Variants in SHB observed in about 807,000 individuals in gnomAD.
SHB encodes the protein SH2 domain-containing adapter protein B.
SHB carries 20 observed loss-of-function variants against 52.3 expected under a neutral mutation model. The ratio of observed to expected loss-of-function variants is 0.38; its 90% CI spans 0.27 to 0.56. SHB has a LOEUF of 0.56. Among genes scored for constraint, SHB ranks in the 20% least tolerant of loss-of-function variants. The pLI is 0.71. For missense variants in SHB, 825 were observed against 723.3 expected, an observed-to-expected ratio of 1.14 and a Z score of -1.61; for synonymous variants, 397 against 316.5, an observed-to-expected ratio of 1.25 and a Z score of -2.70.
At position 38,067,973 on chromosome 9, in the gene SHB, C is replaced by A. The variant is rs373006818; in HGVS notation, c.673G>T (p.Ala225Ser). The A allele has an allele frequency of 5.8e-6, 9 of 1,552,382 alleles. No individual in the cohort carries two copies. The highest frequency in any genetic ancestry group is 4.2e-5 in the African/African-American group (3 of 71,652). Residue 225 changes from alanine (A) to serine (S), a missense_variant, in exon 1 of 6, where the codon GCC (alanine) becomes TCC (serine). By Grantham distance (99) the Ala-to-Ser change is moderately conservative (BLOSUM62 1). Transcript: ENST00000377707. ...CCGCTCTCCTCCGCGGCTGAGGCGGCGCACTTGTTGAGCAGTTTCTTGCCT... is the reference window on the plus strand; with the variant it reads ...CCGCTCTCCTCCGCGGCTGAGGCGGAGCACTTGTTGAGCAGTTTCTTGCCT... ...CGGKKLLNKC[A>S]ASAAEESGAG...
chr9:38,041,437 G>A (rs936948711), intron 1 of SHB, among the ~76,000 whole-genome samples: 5 of 152,218 alleles, frequency 3.3e-5, no homozygotes, highest in South Asian at 2.1e-4. Context: ...GGGAGACTGC[G>A]TTGGGACAGA....
intron 3 of SHB, among the ~76,000 whole-genome samples, chr9:37,969,978 C>T (rs1174628154): frequency 6.6e-6 from 1 of 152,190 alleles, no homozygotes; most frequent in Non-Finnish European, 1.5e-5. Context: ...TGGGGTGATT[C>T]AAAGTGGGCC....
chr9:37,918,275 A>T lies in SHB; in HGVS notation c.*1546T>A, dbSNP rs1451178224. On this transcript the variant is annotated 3_prime_UTR_variant, in exon 6 of 6. Coordinates refer to ENST00000377707, the MANE Select transcript of SHB (RefSeq NM_003028.3). ...TTCATGCTACTGGGTGGGTGGAAAA[A>T]GCAGGAGAGCTGAGAAACTCTTAGC... Among the ~76,000 whole-genome samples, 2 of 152,204 alleles carry T rather than the reference A, an allele frequency of 1.3e-5. No individual in the cohort carries two copies. Among genetic ancestry groups the T allele is most frequent in the East Asian group, 3.9e-4 (2 of 5,190 alleles).
At chr9:38,008,019 G>A (rs914603605) in intron 2 of SHB, among the ~76,000 whole-genome samples, 1 of 152,138 alleles carries the variant, frequency 6.6e-6, no homozygotes, top group Non-Finnish European at 1.5e-5. Flanking sequence ...TCTCTCCAGT[G>A]TAATTTTTCT....
At chr9:38,020,903 G>C (rs553022739) in intron 1 of SHB, among the ~76,000 whole-genome samples, 1 of 152,322 alleles carries the variant, frequency 6.6e-6, no homozygotes, top group East Asian at 1.9e-4. Flanking sequence ...CAGCTTTCAG[G>C]CCAAGGCCAA....
chr9:38,052,645 C>T (rs1210026833), intron 1 of SHB, among the ~76,000 whole-genome samples: 2 of 152,244 alleles, frequency 1.3e-5, no homozygotes, highest in Non-Finnish European at 1.5e-5. Flanking sequence ...TTAGAGCCTC[C>T]CCACCCCCAC....
At chr9:38,026,168 C>T (rs1459427972) in intron 1 of SHB, among the ~76,000 whole-genome samples, 2 of 152,244 alleles carry the variant, frequency 1.3e-5, no homozygotes, top group Admixed American at 6.5e-5. Context: ...AGCAAAACAG[C>T]AGCGCCTGTG....
At chr9:37,927,388 G>A (rs1397827410) in intron 5 of SHB, among the ~76,000 whole-genome samples, 2 of 152,228 alleles carry the variant, frequency 1.3e-5, no homozygotes, top group African/African-American at 4.8e-5. Context: ...GCAAAATGAC[G>A]TGATTTACAA....
At chr9:38,032,178 A>C (rs1317344965) in intron 1 of SHB, among the ~76,000 whole-genome samples, 1 of 152,134 alleles carries the variant, frequency 6.6e-6, no homozygotes, top group Non-Finnish European at 1.5e-5. Flanking sequence ...CCTAGAGAGC[A>C]CCTTCTCTAC....
At position 37,917,949 on chromosome 9, in the gene SHB, C is replaced by T. The variant is rs539029227; in HGVS notation, c.*1872G>A. Among the ~76,000 whole-genome samples, 3 of 152,346 alleles carry T rather than the reference C, an allele frequency of 2.0e-5. No individual in the cohort carries two copies. Among genetic ancestry groups the T allele is most frequent in the South Asian group, 2.1e-4 (1 of 4,830 alleles). ...GCTTTGCACAAACCGCTGAAGTCCA[C>T]GCAGCTACCTAAAGGGGCAGGGCTC... On this transcript the variant is annotated 3_prime_UTR_variant, in exon 6 of 6. Coordinates refer to ENST00000377707, the MANE Select transcript of SHB (RefSeq NM_003028.3).
intron 3 of SHB, among the ~76,000 whole-genome samples, chr9:37,972,030 C>A (rs1475322446): frequency 6.6e-6 from 1 of 152,158 alleles, no homozygotes; most frequent in Non-Finnish European, 1.5e-5. Flanking sequence ...GAGGCCAATG[C>A]TGCTGGTTCA....
At chr9:37,953,282 C>T (rs1832588000) in intron 4 of SHB, among the ~76,000 whole-genome samples, 1 of 152,142 alleles carries the variant, frequency 6.6e-6, no homozygotes, top group South Asian at 2.1e-4. Flanking sequence ...TTCATTCACG[C>T]AACAGCTATT....
chr9:37,959,550 A>G (rs969763414), intron 3 of SHB, among the ~76,000 whole-genome samples: 7 of 152,174 alleles, frequency 4.6e-5, no homozygotes, highest in Admixed American at 1.3e-4. Flanking sequence ...TCCACTGGCT[A>G]AAATCAGGAT....
At chr9:37,928,083 GA>G (rs1832271373) in intron 5 of SHB, among the ~76,000 whole-genome samples, 1 of 152,146 alleles carries the variant, frequency 6.6e-6, no homozygotes, top group African/African-American at 2.4e-5. Context: ...TGATCCCACT[GA>G]TATCATTGGC....
intron 1 of SHB, among the ~76,000 whole-genome samples, chr9:38,038,252 C>T (rs539232073): frequency 2.0e-5 from 3 of 152,292 alleles, no homozygotes; most frequent in East Asian, 3.9e-4. Flanking sequence ...CGTGGGGGAC[C>T]TCCAGACTTA....
intron 2 of SHB, among the ~76,000 whole-genome samples, chr9:38,012,406 A>C (rs1186443915): frequency 6.6e-6 from 1 of 152,158 alleles, no homozygotes; most frequent in East Asian, 1.9e-4. Context: ...TGGGCAGCCT[A>C]TACTCCAAAG....
At chr9:38,061,500 G>C (rs965527276) in intron 1 of SHB, among the ~76,000 whole-genome samples, 1 of 152,124 alleles carries the variant, frequency 6.6e-6, no homozygotes. Context: ...CCACTTCTGG[G>C]CTCTCCCAGC....
At chr9:38,046,669 G>T (rs966719444) in intron 1 of SHB, among the ~76,000 whole-genome samples, 1 of 152,244 alleles carries the variant, frequency 6.6e-6, no homozygotes, top group Non-Finnish European at 1.5e-5. Context: ...GGGGCAGGAC[G>T]CAAGCCTCTA....
rs891175718 is a variant in SHB at position 38,068,460 on chromosome 9, G to A, written c.186C>T (p.Cys62=). 4 of 1,523,936 alleles carry A rather than the reference G, an allele frequency of 2.6e-6. No individual in the cohort carries two copies. Among genetic ancestry groups the A allele is most frequent in the East Asian group, 2.7e-5 (1 of 37,466 alleles). The allele number at this position is 1,523,936 out of a possible 1,614,324, so 94.4% of individuals were successfully genotyped here. The change falls in exon 1 of 6, where the codon TGC becomes TGT. Residue 62 remains cysteine, a synonymous_variant. Coordinates refer to ENST00000377707, the MANE Select transcript of SHB (RefSeq NM_003028.3). ...SASCGPATAS[C]FSASSGSLPD... ...GCAGCGAGCCCGAAGAGGCTGAGAA[G>A]CAGGAGGCGGTGGCCGGACCGCAGG...
Sources: allele counts gnomAD v4.1 joint callset (sites outside exome capture counted in the v4.1 genomes callset), GRCh38; gene constraint gnomAD v4.1.1; transcripts MANE v1.5; gene names NCBI Gene and HGNC (gene_info 2026-07-23, HGNC 2026-07-21).